TJAP1: variants seen among roughly 807,000 people sequenced by gnomAD.
The protein encoded by TJAP1 is tight junction-associated protein 1.
Under a neutral mutation model 42.0 loss-of-function variants are expected in TJAP1, and 27 were observed. That is an observed-to-expected ratio of 0.64 (90% CI 0.47 to 0.89). TJAP1 has a LOEUF of 0.89. TJAP1 is among the 40% of genes least tolerant of loss of function. The probability of loss-of-function intolerance (pLI) is 0.00; values close to 1 mark genes in which losing one functional copy is unlikely to be tolerated. For missense variants in TJAP1, 712 were observed against 726.9 expected, an observed-to-expected ratio of 0.98 and a Z score of 0.24; for synonymous variants, 257 against 288.4, an observed-to-expected ratio of 0.89 and a Z score of 1.10.
At chr6:43,504,156 C>T (rs1582130529) in intron 10 of TJAP1, 1 of 294,152 alleles carries the variant, frequency 3.4e-6, no homozygotes, top group Non-Finnish European at 6.7e-6. Flanking sequence ...GCTCTGTCAC[C>T]TAGGCTGGAG....
At chr6:43,482,040 C>T (rs1043652264) in intron 2 of TJAP1, among the ~76,000 whole-genome samples, 9 of 152,134 alleles carry the variant, frequency 5.9e-5, no homozygotes, top group Admixed American at 5.2e-4. Context: ...GAGAAGCAGA[C>T]GGTATCTGTC....
At chr6:43,480,716 G>A (rs1261101548) in intron 2 of TJAP1, among the ~76,000 whole-genome samples, 3 of 152,064 alleles carry the variant, frequency 2.0e-5, no homozygotes, top group African/African-American at 7.2e-5. Flanking sequence ...GGGTTTCACC[G>A]CATTGGTCAT....
chr6:43,488,335 T>C (rs1435696244), intron 2 of TJAP1, among the ~76,000 whole-genome samples: 1 of 152,212 alleles, frequency 6.6e-6, no homozygotes, highest in African/African-American at 2.4e-5. Flanking sequence ...GTCGAGTGAG[T>C]TCCTCTGGGG....
Position 43,505,604 on chromosome 6 carries a change from C to T in TJAP1, c.1423C>T (p.Pro475Ser), listed in dbSNP as rs778115763. The T allele has an allele frequency of 1.9e-6, 3 of 1,613,562 alleles. No homozygotes were observed. Among genetic ancestry groups the T allele is most frequent in the Non-Finnish European group, 2.5e-6 (3 of 1,180,032 alleles). ...GAGTGAGCTTTTGCTACCCACAGAACCTGACTCTGGCTTTCCCAGGGAGGA... is the reference window on the plus strand; with the variant it reads ...GAGTGAGCTTTTGCTACCCACAGAATCTGACTCTGGCTTTCCCAGGGAGGA... Residue 475 changes from proline to serine, a missense_variant, in exon 11 of 11, where the codon CCT becomes TCT. Transcript: ENST00000372449. The surrounding 1 kb of genome is among the most constrained non-coding windows in gnomAD (Gnocchi z 5.5).
rs1787991906 is a variant in TJAP1, at chr6:43,492,329, G to C, written c.-121-5552G>C. ...CAGGGCTGCAGGCAACTTGTCCCAA[G>C]AGGGTGAGGTTGTACTTGCCCAGAG... is the stretch of plus-strand genomic sequence containing the variant. On this transcript the variant is annotated intron_variant, in intron 2 of 10. Coordinates refer to ENST00000372449, the Ensembl canonical transcript of TJAP1. The surrounding 1 kb of genome is among the most constrained non-coding windows in gnomAD (Gnocchi z 4.2). 6.6e-6 allele frequency among the ~76,000 whole-genome samples: 1 copy of C among 152,206 alleles called. No homozygotes were observed. The highest frequency in any genetic ancestry group is 2.4e-5 in the African/African-American group (1 of 41,454).
chr6:43,480,919 C>G (rs944048269), intron 2 of TJAP1, among the ~76,000 whole-genome samples: 3 of 152,130 alleles, frequency 2.0e-5, no homozygotes, highest in Non-Finnish European at 4.4e-5. Flanking sequence ...CTTAAGATCA[C>G]CCAGCTAGTA....
intron 6 of TJAP1, among the ~76,000 whole-genome samples, chr6:43,501,927 A>ACACACTCTCTCTCTCTCT (rs1427610297): frequency 1.4e-5 from 1 of 71,596 alleles, no homozygotes; most frequent in African/African-American, 7.1e-5. Flanking sequence ...ACACACACAC[A>ACACACTCTCTCTCTCTCT]CTCTCTCTCT....
At chr6:43,482,873 C>T (rs2127474808) in intron 2 of TJAP1, among the ~76,000 whole-genome samples, 1 of 152,274 alleles carries the variant, frequency 6.6e-6, no homozygotes, top group East Asian at 1.9e-4. Context: ...CCTGTAATCC[C>T]AGCACTTTGG....
rs566099873 is a variant in TJAP1 at position 43,504,777 on chromosome 6, A to G, written c.596A>G (p.Gln199Arg). The change falls in exon 11 of 11, where the codon CAG becomes CGG. Residue 199 changes from glutamine to arginine, a missense_variant. Transcript: ENST00000372449. ...TTACCTCAGCTGCCCTGTGAGCTAC[A>G]GGACATGGTTCGGAAACATTTGCAC... is the stretch of plus-strand genomic sequence containing the variant. The G allele has an allele frequency of 5.2e-5, 84 of 1,612,518 alleles. No homozygotes were observed. In the South Asian group the frequency reaches 5.7e-4, roughly 11 times the overall value.
At position 43,502,799 on chromosome 6, in the gene TJAP1, C is replaced by T. The variant is rs1258478398; in HGVS notation, c.387+182C>T. ...CCAGGAGAGAGGTGGGGAGCCTAGCCTGCTCTGCCCTTGGCTCTGGTAGAG... is the reference window on the plus strand; with the variant it reads ...CCAGGAGAGAGGTGGGGAGCCTAGCTTGCTCTGCCCTTGGCTCTGGTAGAG... On this transcript the variant is annotated intron_variant, in intron 8 of 10. Coordinates refer to ENST00000372449, the Ensembl canonical transcript of TJAP1. 2.2e-5 allele frequency: 16 copies of T among 712,154 alleles called. No individual in the cohort carries two copies. The South Asian group carries it at 2.6e-4, about 12-fold the overall frequency. The allele number at this position is 712,154 out of a possible 1,614,324, so 44.1% of individuals were successfully genotyped here. A position where few individuals can be genotyped will look rare whatever the true frequency, so the allele number is the denominator to read the frequency against.
chr6:43,502,951 T>C, intron 8 of TJAP1: 2 of 498,630 alleles, frequency 4.0e-6, no homozygotes, highest in East Asian at 3.8e-5. Flanking sequence ...AAGGCTACTT[T>C]TGAGCCTGCA....
At chr6:43,503,322 C>A in intron 8 of TJAP1, 79 bp from the exon 9 acceptor site, 1 of 1,142,604 alleles carries the variant, frequency 8.8e-7, no homozygotes. Context: ...CCTCTTGTGT[C>A]TCCAGGATGG....
chr6:43,499,099 A>T, exon 4 of TJAP1: 2 of 1,613,652 alleles, frequency 1.2e-6, no homozygotes, highest in Non-Finnish European at 1.7e-6. Context: ...CTTGAGCAGG[A>T]GGTCAGCAAG....
At chr6:43,503,895 C>T (rs1791585532) in intron 10 of TJAP1, 189 bp downstream of exon 10, 1 of 716,560 alleles carries the variant, frequency 1.4e-6, no homozygotes, top group South Asian at 1.5e-5. Context: ...CAGGGCCCAT[C>T]ACTAGTTCTG....
intron 10 of TJAP1, 45 bp from the exon 11 acceptor site, chr6:43,504,716 T>A (rs1009710664): frequency 8.8e-6 from 14 of 1,584,554 alleles, no homozygotes; most frequent in Non-Finnish European, 1.2e-5. Flanking sequence ...AAGTTATCTT[T>A]GGCTGCGATC....
At chr6:43,503,739 A>T in intron 10 of TJAP1, 33 bp downstream of exon 10, 1 of 1,593,304 alleles carries the variant, frequency 6.3e-7, no homozygotes, top group Non-Finnish European at 8.6e-7. Context: ...CTGCCCACAT[A>T]GACCATTCCG....
chr6:43,496,186 T>G (rs1442306954), intron 2 of TJAP1, among the ~76,000 whole-genome samples: 1 of 152,148 alleles, frequency 6.6e-6, no homozygotes, highest in East Asian at 1.9e-4. Flanking sequence ...AGCTCTTGAC[T>G]GCTCGCATCT....
At chr6:43,477,951 G>A (rs990874565) in intron 1 of TJAP1, 136 bp from the exon 2 acceptor site, 1 of 152,640 alleles carries the variant, frequency 6.6e-6, no homozygotes, top group Non-Finnish European at 1.5e-5. Context: ...TGGGATAGAG[G>A]CCCGACTGTA....
Position 43,505,824 on chromosome 6 carries a change from A to G in TJAP1, c.1643A>G (p.Gln548Arg), listed in dbSNP as rs746029494. 3.3e-5 allele frequency: 49 copies of G among 1,490,846 alleles called. No individual in the cohort carries two copies. The highest frequency in any genetic ancestry group is 4.4e-5 in the Non-Finnish European group (49 of 1,124,752). 92.4% of individuals were successfully genotyped at this position (1,490,846 alleles called of 1,614,324 possible). A position where few individuals can be genotyped will look rare whatever the true frequency, so the allele number is the denominator to read the frequency against. ...CTGCACCGCAAGGACAGCCTGACCC[A>G]GGCCCAGGAGCAGGGCAACCTGCTC... is the stretch of plus-strand genomic sequence containing the variant. Residue 548 changes from glutamine to arginine, a missense_variant, in exon 11 of 11, where the codon CAG becomes CGG. Physicochemically the swap from Gln to Arg is conservative, Grantham distance 43 (BLOSUM62 1). Around this residue, in one of 3 missense-constraint regions of TJAP1, gnomAD observed 549 missense variants for 528.2 expected, o/e 1.04. Transcript: ENST00000372449. The surrounding 1 kb of genome is among the most constrained non-coding windows in gnomAD (Gnocchi z 5.5).
Sources: gnomAD v4.1 joint callset for allele counts (sites outside exome capture counted in the v4.1 genomes callset) on GRCh38, gnomAD v4.1.1 for gene constraint, gnomAD v4.1.1 regional missense constraint, Gnocchi (gnomAD v3.1) non-coding constraint, MANE v1.5 for transcripts, NCBI Gene and HGNC (gene_info 2026-07-23, HGNC 2026-07-21) for gene names.